PCDH7: variants seen among roughly 807,000 people sequenced by gnomAD.
PCDH7 encodes the protein protocadherin 7.
Under a neutral mutation model 58.9 loss-of-function variants are expected in PCDH7, and 17 were observed. The observed-to-expected ratio is 0.29, with a 90% CI of 0.20 to 0.43. PCDH7 has a LOEUF of 0.43. PCDH7 is among the 20% of genes least tolerant of loss of function. The pLI is 1.00. For synonymous variants in PCDH7, 664 were observed against 616.4 expected, an observed-to-expected ratio of 1.08 and a Z score of -1.14; for missense variants, 1,274 against 1,441.0, an observed-to-expected ratio of 0.88 and a Z score of 1.88.
At chr4:30,889,493 A>G (rs1198012229) in intron 1 of PCDH7, among the ~76,000 whole-genome samples, 2 of 152,164 alleles carry the variant, frequency 1.3e-5, no homozygotes, top group East Asian at 3.9e-4. Flanking sequence ...AAATTTCACA[A>G]TGTTATAGTA....
intron 1 of PCDH7, among the ~76,000 whole-genome samples, chr4:30,779,451 T>C: frequency 6.6e-6 from 1 of 152,304 alleles, no homozygotes. Context: ...TTACAAAAAG[T>C]CTTTCTGAAA....
chr4:30,899,901 T>C (rs1739989565), intron 1 of PCDH7, among the ~76,000 whole-genome samples: 1 of 152,114 alleles, frequency 6.6e-6, no homozygotes, highest in African/African-American at 2.4e-5. Context: ...ATAGTAGTCA[T>C]AAAAATGATG....
chr4:30,861,178 T>A (rs2109354262), intron 1 of PCDH7, among the ~76,000 whole-genome samples: 1 of 152,282 alleles, frequency 6.6e-6, no homozygotes. Flanking sequence ...AGTACTGTTC[T>A]TTGTATGTGA....
chr4:30,920,871 A>G (rs904750283), intron 2 of PCDH7, among the ~76,000 whole-genome samples: 2 of 152,180 alleles, frequency 1.3e-5, no homozygotes, highest in African/African-American at 4.8e-5. Flanking sequence ...AAAAGAGAAC[A>G]GTACTACTTT....
chr4:30,788,121 G>A (rs942774945), intron 1 of PCDH7, among the ~76,000 whole-genome samples: 12 of 152,030 alleles, frequency 7.9e-5, no homozygotes, highest in Non-Finnish European at 1.5e-4. Context: ...AATCATGGGT[G>A]CTATTATAGA....
chr4:30,878,823 C>G (rs1736604771), intron 1 of PCDH7, among the ~76,000 whole-genome samples: 1 of 151,970 alleles, frequency 6.6e-6, no homozygotes, highest in South Asian at 2.1e-4. Flanking sequence ...GCACTCCAGC[C>G]TGGGAGACAA....
At chr4:30,909,807 C>G (rs759124122) in intron 1 of PCDH7, among the ~76,000 whole-genome samples, 34 of 152,056 alleles carry the variant, frequency 2.2e-4, no homozygotes, top group Non-Finnish European at 2.2e-4. Context: ...ACTTTCTTCA[C>G]AGCATTAGAA....
chr4:30,948,391 C>T (rs927048520), intron 2 of PCDH7, among the ~76,000 whole-genome samples: 2 of 151,746 alleles, frequency 1.3e-5, no homozygotes, highest in Admixed American at 6.6e-5. Context: ...TATGAGATTC[C>T]CACATTTGCT....
chr4:30,738,662 C>A (rs1254930232), intron 1 of PCDH7, among the ~76,000 whole-genome samples: 1 of 152,090 alleles, frequency 6.6e-6, no homozygotes, highest in Non-Finnish European at 1.5e-5. Context: ...ATGAAACAGT[C>A]TAAAAACTGT....
chr4:30,751,293 CAG>C (rs1718490735), intron 1 of PCDH7, among the ~76,000 whole-genome samples: 1 of 152,086 alleles, frequency 6.6e-6, no homozygotes. Context: ...GAGCTTAACT[CAG>C]TGAAAATTTT....
chr4:31,030,169 A>G (rs1754778738), intron 3 of PCDH7, among the ~76,000 whole-genome samples: 1 of 151,476 alleles, frequency 6.6e-6, no homozygotes, highest in African/African-American at 2.4e-5. Flanking sequence ...GTGTGTGTGC[A>G]TGTGTGTATG....
intron 1 of PCDH7, among the ~76,000 whole-genome samples, chr4:30,779,290 G>A (rs1330623123): frequency 6.6e-6 from 1 of 152,032 alleles, no homozygotes. Flanking sequence ...CTCCTAAAGT[G>A]CTGGGATTAC....
intron 1 of PCDH7, among the ~76,000 whole-genome samples, chr4:30,853,079 G>A (rs1451882692): frequency 6.6e-6 from 1 of 152,056 alleles, no homozygotes; most frequent in African/African-American, 2.4e-5. Flanking sequence ...GCTTTGGAAT[G>A]TGAGGGGGAT....
intron 1 of PCDH7, among the ~76,000 whole-genome samples, chr4:30,795,405 T>C (rs1375712154): frequency 6.6e-6 from 1 of 152,196 alleles, no homozygotes; most frequent in Non-Finnish European, 1.5e-5. Context: ...CTTCCTGGCA[T>C]AAAGTAAGAA....
intron 1 of PCDH7, among the ~76,000 whole-genome samples, chr4:30,813,092 G>A (rs1016750158): frequency 6.6e-6 from 1 of 152,128 alleles, no homozygotes; most frequent in African/African-American, 2.4e-5. Flanking sequence ...GGAAATAAAA[G>A]CCTGTGCCTG....
downstream of PCDH7, chr4:31,145,777 G>A (rs766844260): frequency 3.3e-5 from 5 of 152,080 alleles, no homozygotes; most frequent in Non-Finnish European, 5.9e-5. Flanking sequence ...TATTGTAAGT[G>A]TAACACAGAG....
intron 3 of PCDH7, among the ~76,000 whole-genome samples, chr4:31,079,359 T>TATAGATATATAG (rs1759305441): frequency 1.2e-5 from 1 of 85,014 alleles, no homozygotes. Context: ...TATATATATA[T>TATAGATATATAG]ATATACACCA....
intron 1 of PCDH7, among the ~76,000 whole-genome samples, chr4:30,894,406 A>T (rs1267701067): frequency 1.5e-5 from 2 of 136,296 alleles, no homozygotes; most frequent in Non-Finnish European, 3.1e-5. Flanking sequence ...AGCTCAGTTG[A>T]TTGGAAAGTG....
intron 3 of PCDH7, among the ~76,000 whole-genome samples, chr4:31,094,528 G>A (rs1172850612): frequency 2.0e-5 from 3 of 152,070 alleles, no homozygotes; most frequent in Admixed American, 1.3e-4. Context: ...AGTTTATACT[G>A]CAGAATCACA....
Sources: gnomAD v4.1 joint callset for allele counts (sites outside exome capture counted in the v4.1 genomes callset) on GRCh38, gnomAD v4.1.1 for gene constraint, MANE v1.5 for transcripts, NCBI Gene and HGNC (gene_info 2026-07-23, HGNC 2026-07-21) for gene names.